The following UGT1A3 variants were observed in gnomAD, a reference collection of about 807,000 sequenced individuals.
The protein encoded by UGT1A3 is UDP glucuronosyltransferase family 1 member A3.
In UGT1A3, 31 loss-of-function variants were observed where a neutral mutation model predicts 41.0. That is an observed-to-expected ratio of 0.76 (90% CI 0.57 to 1.02). The LOEUF (loss-of-function observed/expected upper bound fraction) is 1.02, where lower values mean the gene tolerates loss of function less well. Ranked by LOEUF, UGT1A3 falls within the 50% of genes least tolerant of loss-of-function variation. The pLI is 0.00. For synonymous variants in UGT1A3, 262 were observed against 257.6 expected (o/e 1.02, Z -0.17); for missense variants, 737 against 671.0 (o/e 1.10, Z -1.09).
At position 233,772,766 on chromosome 2, in the gene UGT1A3, C is replaced by T. The variant is rs910513508; in HGVS notation, c.*207C>T. 4 of 1,374,588 alleles carry T rather than the reference C, an allele frequency of 2.9e-6. No individual in the cohort carries two copies. Among genetic ancestry groups the T allele is most frequent in the Non-Finnish European group, 3.8e-6 (4 of 1,047,350 alleles). 85.1% of individuals were successfully genotyped at this position (1,374,588 alleles called of 1,614,324 possible). ...AGATATTTGAATATGTATCGTGCCC[C>T]CTCTGGTGTCTTTGATCAGGATGAC... On this transcript the variant is annotated 3_prime_UTR_variant, in exon 5 of 5. Transcript: ENST00000482026.
rs774677126 is a variant in UGT1A3, at chr2:233,772,538, C to T, written c.1584C>T (p.Ala528=). The change falls in exon 5 of 5, where the codon GCC becomes GCT. Residue 528 remains alanine (A), a synonymous_variant. Coordinates refer to ENST00000482026, the MANE Select transcript of UGT1A3 (RefSeq NM_019093.4). ...GGAAAAAAGGGCGAGTTAAGAAAGC[C>T]CACAAATCCAAGACCCATTGAGAAG... ...CLGKKGRVKK[A]HKSKTH is the part of the protein sequence containing the mutation. 4 of 1,614,040 alleles carry T rather than the reference C, an allele frequency of 2.5e-6. No individual in the cohort carries two copies. The highest frequency in any genetic ancestry group is 3.4e-6 in the Non-Finnish European group (4 of 1,179,978).
intron 1 of UGT1A3, among the ~76,000 whole-genome samples, chr2:233,735,018 T>G (rs1362396194): frequency 6.6e-6 from 1 of 152,220 alleles, no homozygotes; most frequent in Non-Finnish European, 1.5e-5. Flanking sequence ...GTTCTGTAGA[T>G]GTCTATTAGG....
At chr2:233,757,535 A>AATATATATACATATATATATATAT (rs376887521) in intron 1 of UGT1A3, among the ~76,000 whole-genome samples, 7 of 88,250 alleles carry the variant, frequency 7.9e-5, no homozygotes, top group Non-Finnish European at 1.1e-4. Flanking sequence ...GCCTGTAAGG[A>AATATATATACATATATATATATAT]ATATATATAT....
chr2:233,757,550 A>ATATATATATATATATATAT (rs1696620678), intron 1 of UGT1A3, among the ~76,000 whole-genome samples: 1 of 129,576 alleles, frequency 7.7e-6, no homozygotes, highest in Non-Finnish European at 1.6e-5. Context: ...ATATATATAT[A>ATATATATATATATATATAT]TATATATATA....
At chr2:233,743,547 C>T (rs201114978) in intron 1 of UGT1A3, 3 of 1,367,292 alleles carry the variant, frequency 2.2e-6, no homozygotes, top group Non-Finnish European at 9.8e-7. Context: ...TCTGACCCCC[C>T]CAAAATATTC....
At chr2:233,761,125 T>C (rs754213125) in intron 1 of UGT1A3, 1 of 1,614,252 alleles carries the variant, frequency 6.2e-7, no homozygotes, top group Non-Finnish European at 8.5e-7. Context: ...TGGAATCAAC[T>C]GCCTTCACCA....
chr2:233,756,289 G>GTATT (rs914898578), intron 1 of UGT1A3: 1 of 152,128 alleles, frequency 6.6e-6, no homozygotes, highest in African/African-American at 2.4e-5. Context: ...AAATGACACA[G>GTATT]TATTTGTATA....
chr2:233,761,154 G>C, intron 1 of UGT1A3: 3 of 1,614,240 alleles, frequency 1.9e-6, no homozygotes, highest in African/African-American at 2.7e-5. Context: ...TATCCCAGGT[G>C]TGTATTGGAG....
chr2:233,729,450 G>A lies in UGT1A3; in HGVS notation c.324G>A (p.Lys108=), dbSNP rs1394250627. ...QLYFETEHFL[K]KFFRSMAMLN... is the part of the protein sequence containing the mutation. ...ACTTTGAAACAGAACATTTTCTGAAGAAATTTTTCAGAAGTATGGCAATGT... is the reference window on the plus strand; with the variant it reads ...ACTTTGAAACAGAACATTTTCTGAAAAAATTTTTCAGAAGTATGGCAATGT... Residue 108 remains lysine, a synonymous_variant, in exon 1 of 5, where the codon AAG becomes AAA. Coordinates refer to ENST00000482026, the MANE Select transcript of UGT1A3 (RefSeq NM_019093.4). 1 of 1,614,082 alleles carries A rather than the reference G, an allele frequency of 6.2e-7. No homozygotes were observed. The highest frequency in any genetic ancestry group is 1.7e-5 in the Admixed American group (1 of 60,020).
At chr2:233,734,022 G>T (rs1181978921) in intron 1 of UGT1A3, among the ~76,000 whole-genome samples, 1 of 151,928 alleles carries the variant, frequency 6.6e-6, no homozygotes, top group Non-Finnish European at 1.5e-5. Context: ...CGAGTTAATG[G>T]GTGCAGCACA....
In UGT1A3 at chr2:233,769,819, C is replaced by T. The variant is rs35283790; in HGVS notation, c.1307+1380C>T. Reference sequence around the variant, plus strand: ...GCTATGAGCCGTGATCATGCCACTGCACTCCAGCAACCTGGGCAACAGAGT... The same window carrying T: ...GCTATGAGCCGTGATCATGCCACTGTACTCCAGCAACCTGGGCAACAGAGT... On this transcript the variant is annotated intron_variant, in intron 4 of 4. Transcript: ENST00000482026. This position sits in a 1 kb window ranked among gnomAD's most constrained non-coding sequence, Gnocchi z 4.4. The T allele has an allele frequency of 0.018, 15,000 of 840,188 alleles. 224 individuals carry two copies. Among genetic ancestry groups the T allele is most frequent in the Admixed American group, 0.067 (1,978 of 29,358 alleles). The allele number at this position is 840,188 out of a possible 1,614,324, so 52.0% of individuals were successfully genotyped here.
intron 1 of UGT1A3, 104 bp from the exon 2 acceptor site, chr2:233,766,930 T>G: frequency 1.9e-6 from 3 of 1,580,254 alleles, no homozygotes; most frequent in Admixed American, 1.8e-5. Flanking sequence ...ACGCATGCCT[T>G]TAATCATAGT....
chr2:233,764,867 GCC>G (rs779119414), intron 1 of UGT1A3, among the ~76,000 whole-genome samples: 19,818 of 152,112 alleles, frequency 0.13, 1,414 homozygotes, highest in East Asian at 0.2. Flanking sequence ...TTTTAGATGA[GCC>G]CAAGGGAAAA....
intron 1 of UGT1A3, among the ~76,000 whole-genome samples, chr2:233,734,811 T>G: frequency 6.6e-6 from 1 of 152,238 alleles, no homozygotes; most frequent in East Asian, 1.9e-4. Context: ...AGTTTCCATG[T>G]AGTTGTGCGA....
chr2:233,741,996 A>ATACACT (rs904144807), intron 1 of UGT1A3: 1 of 151,922 alleles, frequency 6.6e-6, no homozygotes, highest in African/African-American at 2.4e-5. Flanking sequence ...AATATTACAG[A>ATACACT]TACACTTGGC....
At position 233,743,743 on chromosome 2, in the gene UGT1A3, G is replaced by A. The variant is rs745945267; in HGVS notation, c.867+13750G>A. On this transcript the variant is annotated intron_variant, in intron 1 of 4. Coordinates refer to ENST00000482026, the MANE Select transcript of UGT1A3 (RefSeq NM_019093.4). ...GGTCATAGATATCGCGTTTCTTGGC[G>A]TCCGACAACACCTCGTAGGCCTCGG... 19 of 1,367,226 alleles carry A rather than the reference G, an allele frequency of 1.4e-5. No individual in the cohort carries two copies. The Admixed American group carries it at 1.9e-4, about 14-fold the overall frequency. The allele number at this position is 1,367,226 out of a possible 1,614,324, so 84.7% of individuals were successfully genotyped here.
chr2:233,746,322 CT>C (rs1693360361), intron 1 of UGT1A3, among the ~76,000 whole-genome samples: 1 of 151,756 alleles, frequency 6.6e-6, no homozygotes, highest in Admixed American at 6.5e-5. Flanking sequence ...TGTAGATGAT[CT>C]ACAGGGCAAT....
At chr2:233,746,129 C>T (rs191765409) in intron 1 of UGT1A3, among the ~76,000 whole-genome samples, 2 of 151,948 alleles carry the variant, frequency 1.3e-5, no homozygotes, top group East Asian at 3.9e-4. Flanking sequence ...AAACTGTGGA[C>T]TGGCACCTGA....
At chr2:233,761,066 T>G in intron 1 of UGT1A3, 1 of 1,614,188 alleles carries the variant, frequency 6.2e-7, no homozygotes, top group Non-Finnish European at 8.5e-7. Context: ...AGAAGTGACT[T>G]TGTGAAGGAT....
Sources: gnomAD v4.1 joint callset for allele counts (sites outside exome capture counted in the v4.1 genomes callset) on GRCh38, gnomAD v4.1.1 for gene constraint, Gnocchi (gnomAD v3.1) non-coding constraint, MANE v1.5 for transcripts, NCBI Gene and HGNC (gene_info 2026-07-23, HGNC 2026-07-21) for gene names.